Variants in CACNB2 observed in about 807,000 individuals in gnomAD.
CACNB2 encodes voltage-dependent L-type calcium channel subunit beta-2.
In CACNB2, 42 loss-of-function variants were observed where a neutral mutation model predicts 73.3. The ratio of observed to expected loss-of-function variants is 0.57; its 90% CI spans 0.45 to 0.74. The LOEUF (loss-of-function observed/expected upper bound fraction) is 0.74. Among genes scored for constraint, CACNB2 ranks in the 30% least tolerant of loss-of-function variants. The pLI is 0.00. For missense variants in CACNB2, 940 were observed against 853.0 expected, an observed-to-expected ratio of 1.10 and a Z score of -1.27; for synonymous variants, 348 against 310.3, an observed-to-expected ratio of 1.12 and a Z score of -1.28.
chr10:18,289,931 G>A (rs1054683098), intron 2 of CACNB2, among the ~76,000 whole-genome samples: 1 of 151,650 alleles, frequency 6.6e-6, no homozygotes, highest in African/African-American at 2.4e-5. Flanking sequence ...ATATATAGAT[G>A]AGCAATTCTT....
intron 2 of CACNB2, among the ~76,000 whole-genome samples, chr10:18,315,614 A>T (rs896947914): frequency 7.1e-6 from 1 of 140,988 alleles, no homozygotes. Flanking sequence ...GGGTAACTTG[A>T]GCACAGAGGT....
At chr10:18,355,895 C>G (rs1003101473) in intron 2 of CACNB2, among the ~76,000 whole-genome samples, 15 of 152,284 alleles carry the variant, frequency 9.9e-5, no homozygotes, top group African/African-American at 3.4e-4. Flanking sequence ...CTCTGCCTCC[C>G]AAAACACTGG....
chr10:18,253,492 T>A (rs2037167667), intron 2 of CACNB2, among the ~76,000 whole-genome samples: 1 of 152,184 alleles, frequency 6.6e-6, no homozygotes. Context: ...CTGGGAAATA[T>A]TTTATCCTGT....
intron 9 of CACNB2, chr10:18,519,675 A>G (rs916145465): frequency 6.6e-6 from 3 of 455,358 alleles, no homozygotes; most frequent in African/African-American, 2.0e-5. Context: ...CATTGACCTC[A>G]TATTGCTCTA....
At chr10:18,380,312 T>C (rs1564486845) in intron 2 of CACNB2, among the ~76,000 whole-genome samples, 1 of 152,164 alleles carries the variant, frequency 6.6e-6, no homozygotes, top group Admixed American at 6.6e-5. Context: ...TCTTATTGGT[T>C]GAAAACCCTT....
chr10:18,170,259 G>A (rs1354088692), intron 2 of CACNB2, among the ~76,000 whole-genome samples: 1 of 152,208 alleles, frequency 6.6e-6, no homozygotes, highest in East Asian at 1.9e-4. Flanking sequence ...ATGGATGTAG[G>A]ATGGTAACAA....
intron 2 of CACNB2, among the ~76,000 whole-genome samples, chr10:18,220,767 T>C (rs2035760980): frequency 6.6e-6 from 1 of 152,156 alleles, no homozygotes; most frequent in Non-Finnish European, 1.5e-5. Flanking sequence ...TACTGTGAAC[T>C]GCACGTGTCA....
chr10:18,178,672 G>A lies in CACNB2; in HGVS notation c.213+27697G>A, dbSNP rs142866237. 3.3e-4 allele frequency among the ~76,000 whole-genome samples: 51 copies of A among 152,266 alleles called. No individual in the cohort carries two copies. In the East Asian group the frequency reaches 9.6e-3, roughly 29 times the overall value. ...TGGGTAAAAGCAAACATCTGGCAAG[G>A]GTGCCTCTTAGATGGAAGGTTGAGC... On this transcript the variant is annotated intron_variant, in intron 2 of 13. Transcript: ENST00000324631.
At chr10:18,166,873 AC>A (rs1371666484) in intron 2 of CACNB2, among the ~76,000 whole-genome samples, 1 of 152,210 alleles carries the variant, frequency 6.6e-6, no homozygotes, top group Non-Finnish European at 1.5e-5. Flanking sequence ...GTGCACGTGT[AC>A]CCTAAAACTT....
In CACNB2 at chr10:18,312,945, A is replaced by T. The variant is rs2040016677; in HGVS notation, c.214-88979A>T. Among the ~76,000 whole-genome samples, 4 of 152,174 alleles carry T rather than the reference A, an allele frequency of 2.6e-5. No homozygotes were observed. In the South Asian group the frequency reaches 8.3e-4, roughly 32 times the overall value. On this transcript the variant is annotated intron_variant, in intron 2 of 13. Transcript: ENST00000324631. ...GCAAGTGACTGCTGACCTCTAGAGG[A>T]TACTCAATGCAATAAATGATTGTTT...
intron 2 of CACNB2, among the ~76,000 whole-genome samples, chr10:18,321,504 A>G (rs2040395742): frequency 6.6e-6 from 1 of 152,224 alleles, no homozygotes; most frequent in Non-Finnish European, 1.5e-5. Flanking sequence ...ATAATAACTT[A>G]GTTGTACATT....
At position 18,498,410 on chromosome 10, in the gene CACNB2, A is replaced by G; in HGVS notation, c.389A>G (p.Glu130Gly). Residue 130 changes from glutamate (E) to glycine (G), a missense_variant, in exon 4 of 14, where the codon GAA becomes GGA. Transcript: ENST00000324631. ...AATGTCAGCTACAGTGCGGCCCATG[A>G]AGATGATGTTCCAGTGCCTGGCATG... The part of the protein sequence containing the change: ...RTNVSYSAAH[E>G]DDVPVPGMAI... 6.2e-7 allele frequency: 1 copy of G among 1,614,174 alleles called. No homozygotes were observed. Among genetic ancestry groups the G allele is most frequent in the Non-Finnish European group, 8.5e-7 (1 of 1,179,994 alleles).
At chr10:18,505,724 T>C (rs1315603299) in intron 5 of CACNB2, among the ~76,000 whole-genome samples, 2 of 152,206 alleles carry the variant, frequency 1.3e-5, no homozygotes, top group African/African-American at 4.8e-5. Context: ...GCTAGTAGGC[T>C]GGTGAAAAAC....
At chr10:18,430,288 A>G (rs1392017719) in intron 3 of CACNB2, among the ~76,000 whole-genome samples, 5 of 152,170 alleles carry the variant, frequency 3.3e-5, no homozygotes, top group Non-Finnish European at 5.9e-5. Flanking sequence ...CTAGTCACAC[A>G]GCATGTTTGC....
intron 2 of CACNB2, among the ~76,000 whole-genome samples, chr10:18,378,334 A>G (rs909000759): frequency 6.6e-6 from 1 of 152,234 alleles, no homozygotes; most frequent in African/African-American, 2.4e-5. Context: ...TACCAAAAAC[A>G]CTGACACAGC....
At chr10:18,442,663 A>G (rs1483813769) in intron 3 of CACNB2, among the ~76,000 whole-genome samples, 1 of 151,000 alleles carries the variant, frequency 6.6e-6, no homozygotes, top group Non-Finnish European at 1.5e-5. Context: ...CGTCTCTACT[A>G]AAAATACAAA....
intron 7 of CACNB2, among the ~76,000 whole-genome samples, chr10:18,517,587 T>C (rs781235278): frequency 6.6e-6 from 1 of 152,178 alleles, no homozygotes; most frequent in Non-Finnish European, 1.5e-5. Flanking sequence ...GAGACCACAA[T>C]AGCATGGTTG....
chr10:18,179,182 A>C (rs1470202234), intron 2 of CACNB2, among the ~76,000 whole-genome samples: 3 of 152,326 alleles, frequency 2.0e-5, no homozygotes, highest in Non-Finnish European at 4.4e-5. Context: ...TTTTTTTAGC[A>C]AAAGGAATAA....
At chr10:18,323,612 T>A (rs1442829105) in intron 2 of CACNB2, among the ~76,000 whole-genome samples, 1 of 152,166 alleles carries the variant, frequency 6.6e-6, no homozygotes, top group Non-Finnish European at 1.5e-5. Context: ...CAGTGTAAGA[T>A]TGTATGGAAT....
Sources: gnomAD v4.1 joint callset for allele counts (sites outside exome capture counted in the v4.1 genomes callset) on GRCh38, gnomAD v4.1.1 for gene constraint, MANE v1.5 for transcripts, NCBI Gene and HGNC (gene_info 2026-07-23, HGNC 2026-07-21) for gene names.